NIBAN2: variants seen among roughly 807,000 people sequenced by gnomAD.
NIBAN2 encodes protein Niban 2.
NIBAN2 carries 36 observed loss-of-function variants against 81.8 expected under a neutral mutation model. The ratio of observed to expected loss-of-function variants is 0.44; its 90% CI spans 0.34 to 0.58. The LOEUF is 0.58. Among genes scored for constraint, NIBAN2 ranks in the 20% least tolerant of loss-of-function variants. NIBAN2 has a pLI of 0.02. For missense variants in NIBAN2, 897 were observed against 1,014.1 expected, an observed-to-expected ratio of 0.88 and a Z score of 1.57; for synonymous variants, 445 against 441.6, an observed-to-expected ratio of 1.01 and a Z score of -0.10.
At chr9:127,576,506 C>T (rs1293278152) in intron 1 of NIBAN2, among the ~76,000 whole-genome samples, 1 of 152,106 alleles carries the variant, frequency 6.6e-6, no homozygotes, top group African/African-American at 2.4e-5. Flanking sequence ...TCATTGCAGG[C>T]TCCTGTGCTC....
At position 127,509,089 on chromosome 9, in the gene NIBAN2, T is replaced by C; in HGVS notation, c.1204A>G (p.Met402Val). ...LSRLAYHPLK[M>V]QSCYEKMESL... Reference sequence around the variant, plus strand: ...TCCATCTTCTCATAGCAGCTCTGCATCTTCAGGGGGTGGTACGCCAGCCGG... The same window carrying C: ...TCCATCTTCTCATAGCAGCTCTGCACCTTCAGGGGGTGGTACGCCAGCCGG... The change falls in exon 10 of 14, where the codon ATG becomes GTG. Residue 402 changes from methionine to valine, a missense_variant. Transcript: ENST00000373312. 6.2e-7 allele frequency: 1 copy of C among 1,613,294 alleles called. No homozygotes were observed.
rs752617608 is a variant in NIBAN2 at position 127,516,860 on chromosome 9, G to A, written c.970C>T (p.Arg324Ter). The change falls in exon 8 of 14, where the codon CGA becomes TGA. Residue 324 changes from arginine (R) to a stop codon, truncating the protein, a stop_gained. Coordinates refer to ENST00000373312, the MANE Select transcript of NIBAN2 (RefSeq NM_022833.4). LOFTEE classifies it high-confidence loss of function. ...GAGCACGGGGGTGGCTGCCTACCTC[G>A]GATCTTGCTGGCAAGGTGCTCCTTG... ...TSKEHLASKI[R>*]AFILPKAEVC... 3.7e-6 allele frequency: 6 copies of A among 1,612,242 alleles called. No homozygotes were observed. The highest frequency in any genetic ancestry group is 4.5e-5 in the East Asian group (2 of 44,796).
At position 127,517,034 on chromosome 9, in the gene NIBAN2, G is replaced by A. The variant is rs776002105; in HGVS notation, c.811-15C>T. 6.2e-6 allele frequency: 10 copies of A among 1,612,106 alleles called. No homozygotes were observed. Among genetic ancestry groups the A allele is most frequent in the Non-Finnish European group, 8.5e-6 (10 of 1,178,732 alleles). ...GCGTCCGAGATCTGTGGGCAGAGCA[G>A]CTGAATTGGCACCAGGGCTGAGGGC... is the stretch of plus-strand genomic sequence containing the variant. On this transcript the variant is annotated splice_polypyrimidine_tract_variant and intron_variant, in intron 7 of 13. Coordinates refer to ENST00000373312, the MANE Select transcript of NIBAN2 (RefSeq NM_022833.4). This position sits in a 1 kb window ranked among gnomAD's most constrained non-coding sequence, Gnocchi z 4.0.
chr9:127,550,320 G>C (rs1837553598), intron 1 of NIBAN2, among the ~76,000 whole-genome samples: 4 of 152,230 alleles, frequency 2.6e-5, no homozygotes, highest in Admixed American at 2.6e-4. Context: ...CCACCATTAA[G>C]CCTTGATAGA....
chr9:127,558,072 G>A (rs1331397660), intron 1 of NIBAN2, among the ~76,000 whole-genome samples: 1 of 152,098 alleles, frequency 6.6e-6, no homozygotes, highest in East Asian at 1.9e-4. Context: ...TTTCCTGGCA[G>A]CCTGAAATAT....
At chr9:127,551,101 A>C (rs1393998806) in intron 1 of NIBAN2, among the ~76,000 whole-genome samples, 1 of 152,182 alleles carries the variant, frequency 6.6e-6, no homozygotes, top group Non-Finnish European at 1.5e-5. Flanking sequence ...TTGAAAAAAA[A>C]CTACCGGCTA....
chr9:127,549,719 A>C (rs1357323384), intron 1 of NIBAN2, among the ~76,000 whole-genome samples: 2 of 152,186 alleles, frequency 1.3e-5, no homozygotes, highest in Admixed American at 6.5e-5. Context: ...AGGAAACCCA[A>C]TCCCAGATTG....
At chr9:127,546,904 C>G (rs367960226) in intron 1 of NIBAN2, among the ~76,000 whole-genome samples, 153 of 151,724 alleles carry the variant, frequency 1.0e-3, no homozygotes, top group African/African-American at 3.6e-3. Flanking sequence ...ACTGACCAAG[C>G]CTGCAGGGTC....
intron 5 of NIBAN2, among the ~76,000 whole-genome samples, chr9:127,519,242 A>C (rs2132167963): frequency 6.6e-6 from 1 of 151,530 alleles, no homozygotes; most frequent in South Asian, 2.1e-4. Context: ...GAAGAACACC[A>C]TTTCTGAATT....
intron 1 of NIBAN2, among the ~76,000 whole-genome samples, chr9:127,576,805 G>A (rs562664173): frequency 1.3e-5 from 2 of 150,460 alleles, no homozygotes; most frequent in African/African-American, 2.4e-5. Flanking sequence ...GTGTAGTGGC[G>A]CCATCTCAGC....
intron 5 of NIBAN2, among the ~76,000 whole-genome samples, chr9:127,518,993 G>C (rs1836884271): frequency 6.6e-6 from 1 of 151,978 alleles, no homozygotes. Context: ...TGGCTAACAT[G>C]GCAAAACCCC....
In NIBAN2 at chr9:127,508,781, A is replaced by G. The variant is rs7855351; in HGVS notation, c.1317+195T>C. ...AGCTTCCTGGAGGAAGGGGTCTCTA[A>G]GCTGAGACCTGGGAAGTGAGTCAGA... On this transcript the variant is annotated intron_variant, in intron 10 of 13. Transcript: ENST00000373312. The surrounding 1 kb of genome is among the most constrained non-coding windows in gnomAD (Gnocchi z 6.4). Among the ~76,000 whole-genome samples the G allele has an allele frequency of 8.3e-3, 1,267 of 152,068 alleles. 20 individuals are homozygous for G. Among genetic ancestry groups the G allele is most frequent in the African/African-American group, 0.03 (1,226 of 41,472 alleles).
intron 1 of NIBAN2, among the ~76,000 whole-genome samples, chr9:127,541,034 G>A (rs1837369008): frequency 6.6e-6 from 1 of 152,324 alleles, no homozygotes; most frequent in East Asian, 1.9e-4. Flanking sequence ...GGGAAAGAGG[G>A]GGGTGCCGAC....
Position 127,517,935 on chromosome 9 carries a change from G to C in NIBAN2, c.596C>G (p.Pro199Arg), listed in dbSNP as rs374309098. 2.5e-6 allele frequency: 4 copies of C among 1,601,350 alleles called. No individual in the cohort carries two copies. Among genetic ancestry groups the C allele is most frequent in the African/African-American group, 2.7e-5 (2 of 74,712 alleles). Residue 199 changes from proline (P) to arginine (R), a missense_variant, in exon 6 of 14, where the codon CCT (proline) becomes CGT (arginine). Around this residue, in one of 3 missense-constraint regions of NIBAN2, gnomAD observed 69 missense variants for 114.7 expected, o/e 0.60. Transcript: ENST00000373312. The surrounding 1 kb of genome is among the most constrained non-coding windows in gnomAD (Gnocchi z 4.0). ...AGGGCCCTCTACCTTGGAGTCCTCA[G>C]GGATTCCTGCCCAGGAGACGGAGGG... ...DCIRHCNNGI[P>R]EDSKVEGPAF...
chr9:127,552,203 G>T (rs1380621131), intron 1 of NIBAN2, among the ~76,000 whole-genome samples: 1 of 152,210 alleles, frequency 6.6e-6, no homozygotes, highest in African/African-American at 2.4e-5. Flanking sequence ...AGCAGAGATG[G>T]CTCTCAAACC....
Position 127,507,340 on chromosome 9 carries a change from G to C in NIBAN2, c.1746C>G (p.Ala582=). 2 of 1,551,242 alleles carry C rather than the reference G, an allele frequency of 1.3e-6. No homozygotes were observed. The highest frequency in any genetic ancestry group is 8.7e-7 in the Non-Finnish European group (1 of 1,145,942). Residue 582 remains alanine (A), a synonymous_variant, in exon 14 of 14, where the codon GCC becomes GCG. Transcript: ENST00000373312. The surrounding 1 kb of genome is among the most constrained non-coding windows in gnomAD (Gnocchi z 6.8). ...HNSDPNLHLL[A]EGAPIDWGEE... ...CGCCCCAGTCGATGGGGGCGCCCTC[G>C]GCCAGCAGGTGCAGGTTGGGGTCGC... is the stretch of plus-strand genomic sequence containing the variant.
intron 1 of NIBAN2, among the ~76,000 whole-genome samples, chr9:127,549,934 C>G (rs944798362): frequency 6.6e-6 from 1 of 152,138 alleles, no homozygotes; most frequent in Non-Finnish European, 1.5e-5. Flanking sequence ...CAGCCTCCCA[C>G]TCTCTGTCCC....
rs1588197378 is a variant in NIBAN2 at position 127,574,968 on chromosome 9, G to A, written c.16+3954C>T. Among the ~76,000 whole-genome samples the A allele has an allele frequency of 2.0e-5, 3 of 152,186 alleles. No individual in the cohort carries two copies. In the East Asian group the frequency reaches 5.8e-4, roughly 29 times the overall value. ...CTGCCACCCCAAGTCCAGGGAACTG[G>A]CCTCCCTGCCTCCAGCCCCCCATGC... On this transcript the variant is annotated intron_variant, in intron 1 of 13. Coordinates refer to the NIBAN2 transcript ENST00000373314.
chr9:127,506,550 G>A lies in NIBAN2; in HGVS notation c.*295C>T, dbSNP rs1054696258. Reference sequence around the variant, plus strand: ...GGGGATGGAGGCCACAGAAGGACAGGAAGGGAGGGGCTTTCCAGCCCCCCA... The same window carrying A: ...GGGGATGGAGGCCACAGAAGGACAGAAAGGGAGGGGCTTTCCAGCCCCCCA... On this transcript the variant is annotated 3_prime_UTR_variant, in exon 14 of 14. Coordinates refer to ENST00000373312, the MANE Select transcript of NIBAN2 (RefSeq NM_022833.4). 6.0e-5 allele frequency: 19 copies of A among 315,078 alleles called. No individual in the cohort carries two copies. The highest frequency in any genetic ancestry group is 3.9e-4 in the African/African-American group (18 of 46,734). 19.5% of individuals were successfully genotyped at this position (315,078 alleles called of 1,614,324 possible). A position where few individuals can be genotyped will look rare whatever the true frequency, so the allele number is the denominator to read the frequency against.
Sources: allele counts gnomAD v4.1 joint callset (sites outside exome capture counted in the v4.1 genomes callset), GRCh38; gene constraint gnomAD v4.1.1; regional missense constraint gnomAD v4.1.1; non-coding constraint Gnocchi (gnomAD v3.1); transcripts MANE v1.5; gene names NCBI Gene and HGNC (gene_info 2026-07-23, HGNC 2026-07-21).